AOPEP: variants seen among roughly 807,000 people sequenced by gnomAD.
AOPEP encodes aminopeptidase O (putative).
AOPEP carries 77 observed loss-of-function variants against 98.1 expected under a neutral mutation model. The observed-to-expected ratio is 0.78, with a 90% confidence interval of 0.65 to 0.95. The LOEUF (loss-of-function observed/expected upper bound fraction) is 0.95, where lower values mean the gene tolerates loss of function less well. AOPEP is among the 40% of genes least tolerant of loss of function. The pLI, the probability that AOPEP is intolerant of heterozygous loss-of-function variation, is 0.00. For synonymous variants in AOPEP, 346 were observed against 365.3 expected (o/e 0.95, Z 0.60); for missense variants, 1,024 against 1,024.7 (o/e 1.00, Z 0.01).
chr9:95,100,207 A>G, the AOPEP span: 1 of 223,114 alleles, frequency 4.5e-6, no homozygotes, highest in South Asian at 1.8e-4. Context: ...GAAGCATGTT[A>G]TATGAAGGCA....
chr9:94,839,531 G>C (rs1406156626), intron 5 of AOPEP, among the ~76,000 whole-genome samples: 1 of 151,960 alleles, frequency 6.6e-6, no homozygotes, highest in Non-Finnish European at 1.5e-5. Context: ...CCTATAAGTG[G>C]TATTCTTTTT....
the AOPEP span, among the ~76,000 whole-genome samples, chr9:95,131,680 C>T: frequency 1.3e-5 from 2 of 152,174 alleles, no homozygotes; most frequent in African/African-American, 4.8e-5. Flanking sequence ...CATTAAAGAG[C>T]TCAAAAGGAA....
At chr9:94,874,439 C>T (rs574281499) in intron 5 of AOPEP, among the ~76,000 whole-genome samples, 1 of 152,052 alleles carries the variant, frequency 6.6e-6, no homozygotes, top group East Asian at 1.9e-4. Context: ...GATCTGTGGT[C>T]TTTCATCTAA....
chr9:95,080,737 C>T lies in AOPEP; in HGVS notation c.2276C>T (p.Thr759Met), dbSNP rs148255075. The T allele has an allele frequency of 3.0e-5, 49 of 1,613,848 alleles. 1 individual carries two copies. The Middle Eastern group carries it at 6.6e-4, about 22-fold the overall frequency. The change falls in exon 15 of 17, where the codon ACG becomes ATG. Residue 759 changes from threonine to methionine, a missense_variant. Thr to Met is a moderately conservative substitution (Grantham distance 81). This residue lies in a region of AOPEP where 566 missense variants were observed against 551.7 expected (regional missense o/e 1.03). Transcript: ENST00000375315. ...WCELIVKHKFTKAYKSVERFL... is the reference protein window; with the variant it reads ...WCELIVKHKFMKAYKSVERFL... ...GAACTCATTGTTAAGCACAAGTTCA[C>T]GAAAGCCTACAAAAGTGTGGAGAGG...
At chr9:94,963,658 G>A (rs781314968) in intron 9 of AOPEP, among the ~76,000 whole-genome samples, 7 of 152,116 alleles carry the variant, frequency 4.6e-5, no homozygotes, top group Non-Finnish European at 1.0e-4. Flanking sequence ...ACACTGCAGA[G>A]GTGACAAGCT....
In AOPEP at chr9:95,065,881, G is replaced by A. The variant is rs575184182; in HGVS notation, c.2232+5071G>A. On this transcript the variant is annotated intron_variant, in intron 14 of 16. Coordinates refer to ENST00000375315, the MANE Select transcript of AOPEP (RefSeq NM_001193329.3). ...GTTACAGATCAAGAGGCCAGATACC[G>A]ATGAGTCTGAACTTTAGAACATGGC... 5.1e-4 allele frequency among the ~76,000 whole-genome samples: 78 copies of A among 152,190 alleles called. 2 individuals carry two copies. Among genetic ancestry groups the A allele is most frequent in the Non-Finnish European group, 1.1e-3 (73 of 68,030 alleles).
chr9:94,948,978 C>T (rs766252257), intron 7 of AOPEP, among the ~76,000 whole-genome samples: 2 of 152,184 alleles, frequency 1.3e-5, no homozygotes, highest in Non-Finnish European at 2.9e-5. Flanking sequence ...TTCCTTTCTC[C>T]AGCATCCCGT....
At chr9:94,858,281 C>A (rs1008677348) in intron 5 of AOPEP, among the ~76,000 whole-genome samples, 1 of 152,098 alleles carries the variant, frequency 6.6e-6, no homozygotes, top group Non-Finnish European at 1.5e-5. Context: ...GGGAGTAAAA[C>A]CTTTCCAGAT....
At chr9:94,877,461 C>T (rs1263351484) in intron 5 of AOPEP, among the ~76,000 whole-genome samples, 1 of 143,468 alleles carries the variant, frequency 7.0e-6, no homozygotes, top group East Asian at 2.0e-4. Flanking sequence ...TTTGCTGTGT[C>T]GCCCAGGCTG....
At chr9:94,820,334 C>A (rs951372829) in intron 5 of AOPEP, among the ~76,000 whole-genome samples, 1 of 152,012 alleles carries the variant, frequency 6.6e-6, no homozygotes, top group Non-Finnish European at 1.5e-5. Flanking sequence ...TTGTATTAAC[C>A]CCCTGTGTTC....
At chr9:95,042,095 G>A (rs1398086633) in intron 13 of AOPEP, among the ~76,000 whole-genome samples, 13 of 152,054 alleles carry the variant, frequency 8.5e-5, no homozygotes, top group Non-Finnish European at 2.9e-5. Flanking sequence ...GGCGGATCAC[G>A]AGGTCAGGAG....
chr9:94,992,037 A>G (rs2060923345), intron 11 of AOPEP, among the ~76,000 whole-genome samples: 1 of 152,220 alleles, frequency 6.6e-6, no homozygotes, highest in African/African-American at 2.4e-5. Context: ...CTTGATGTAC[A>G]TTTTTCATAT....
intron 11 of AOPEP, among the ~76,000 whole-genome samples, chr9:94,989,350 C>G (rs921705438): frequency 1.3e-5 from 2 of 152,066 alleles, no homozygotes; most frequent in African/African-American, 2.4e-5. Context: ...GATCCGCCCA[C>G]CTTGGCCTCC....
At chr9:94,773,299 C>CTTGT in intron 3 of AOPEP, 131 bp downstream of exon 3, 1 of 789,374 alleles carries the variant, frequency 1.3e-6, no homozygotes, top group Non-Finnish European at 1.9e-6. Flanking sequence ...TAGTATAAAA[C>CTTGT]ATCCTGCCAG....
At chr9:94,999,354 C>G (rs933862392) in intron 11 of AOPEP, among the ~76,000 whole-genome samples, 5 of 152,088 alleles carry the variant, frequency 3.3e-5, no homozygotes, top group Admixed American at 2.6e-4. Flanking sequence ...AGTTCCTATG[C>G]CTGGTTAAAC....
At chr9:95,108,950 G>A in the AOPEP span, among the ~76,000 whole-genome samples, 1 of 151,246 alleles carries the variant, frequency 6.6e-6, no homozygotes, top group Non-Finnish European at 1.5e-5. Flanking sequence ...CTGTCACCCA[G>A]GCTGGAATGC....
chr9:95,128,332 A>T, the AOPEP span, among the ~76,000 whole-genome samples: 2 of 152,264 alleles, frequency 1.3e-5, no homozygotes, highest in Non-Finnish European at 2.9e-5. Context: ...ATTGAATAAG[A>T]GTGTTTAAGA....
chr9:95,140,988 T>C, the AOPEP span, among the ~76,000 whole-genome samples: 1 of 151,960 alleles, frequency 6.6e-6, no homozygotes, highest in South Asian at 2.1e-4. Flanking sequence ...TGTGACTCAA[T>C]TTGTGACCAT....
intron 2 of AOPEP, among the ~76,000 whole-genome samples, chr9:94,770,506 C>G (rs191909666): frequency 9.5e-4 from 145 of 152,292 alleles, no homozygotes; most frequent in African/African-American, 3.2e-3. Context: ...AATCCTCTTT[C>G]AGACTCACTC....
Sources: allele counts gnomAD v4.1 joint callset (sites outside exome capture counted in the v4.1 genomes callset), GRCh38; gene constraint gnomAD v4.1.1; regional missense constraint gnomAD v4.1.1; transcripts MANE v1.5; gene names NCBI Gene and HGNC (gene_info 2026-07-23, HGNC 2026-07-21).